The following RBP2 variants were observed in gnomAD, a reference collection of about 807,000 sequenced individuals.
The protein encoded by RBP2 is retinol-binding protein 2.
In RBP2, 17 loss-of-function variants were observed where a neutral mutation model predicts 17.0. The observed-to-expected ratio is 1.00, with a 90% CI of 0.68 to 1.50. The LOEUF is 1.50. Among genes scored for constraint, RBP2 ranks in the 40% most tolerant of loss-of-function variants. The pLI, the probability that RBP2 is intolerant of heterozygous loss-of-function variation, is 0.00. For synonymous variants in RBP2, 48 were observed against 57.1 expected (o/e 0.84, Z 0.72); for missense variants, 158 against 168.2 (o/e 0.94, Z 0.33).
chr3:139,461,117 A>G (rs1456619662), intron 2 of RBP2, among the ~76,000 whole-genome samples: 1 of 152,168 alleles, frequency 6.6e-6, no homozygotes, highest in African/African-American at 2.4e-5. Flanking sequence ...AAAATCAAAA[A>G]CAGGCACACT....
At chr3:139,468,423 C>A (rs1000188982) in intron 1 of RBP2, among the ~76,000 whole-genome samples, 1 of 152,224 alleles carries the variant, frequency 6.6e-6, no homozygotes, top group African/African-American at 2.4e-5. Flanking sequence ...CCTAGTCAAT[C>A]TTTCTGACCA....
chr3:139,458,258 C>A (rs924536735), intron 2 of RBP2, among the ~76,000 whole-genome samples: 5 of 152,008 alleles, frequency 3.3e-5, no homozygotes, highest in Non-Finnish European at 7.4e-5. Flanking sequence ...ACATGCTCAA[C>A]CCTCCTTAGC....
intron 1 of RBP2, among the ~76,000 whole-genome samples, chr3:139,465,866 G>A (rs756033231): frequency 4.6e-5 from 7 of 152,180 alleles, no homozygotes; most frequent in African/African-American, 9.7e-5. Flanking sequence ...TGTGGCTTAT[G>A]GAATTGTACG....
intron 1 of RBP2, among the ~76,000 whole-genome samples, chr3:139,471,231 A>G (rs551083891): frequency 6.6e-6 from 1 of 152,354 alleles, no homozygotes; most frequent in East Asian, 1.9e-4. Context: ...CACTAAAATG[A>G]AGAAATGCAT....
At chr3:139,456,795 A>G (rs1000745446) in intron 2 of RBP2, among the ~76,000 whole-genome samples, 4 of 152,156 alleles carry the variant, frequency 2.6e-5, no homozygotes, top group African/African-American at 9.7e-5. Flanking sequence ...ATAAAATTCT[A>G]CATGTTTTCT....
At chr3:139,471,890 G>T (rs1357684520) in intron 1 of RBP2, among the ~76,000 whole-genome samples, 1 of 152,192 alleles carries the variant, frequency 6.6e-6, no homozygotes, top group African/African-American at 2.4e-5. Flanking sequence ...AGTGAGCATT[G>T]ATAGCATCTC....
At chr3:139,460,081 C>T (rs1933137020) in intron 2 of RBP2, among the ~76,000 whole-genome samples, 1 of 152,136 alleles carries the variant, frequency 6.6e-6, no homozygotes. Context: ...CACAAAGGAT[C>T]AAGTCAGAGA....
At chr3:139,458,775 T>G (rs951174748) in intron 2 of RBP2, among the ~76,000 whole-genome samples, 1 of 152,218 alleles carries the variant, frequency 6.6e-6, no homozygotes, top group African/African-American at 2.4e-5. Flanking sequence ...GTAGCATGAG[T>G]CTGTCCTTCA....
intron 1 of RBP2, among the ~76,000 whole-genome samples, chr3:139,462,906 T>C (rs1933241029): frequency 6.6e-6 from 1 of 152,002 alleles, no homozygotes; most frequent in Admixed American, 6.6e-5. Context: ...TGATTTTGGC[T>C]CACTGCAACC....
chr3:139,456,670 G>T (rs1430285020), intron 2 of RBP2, among the ~76,000 whole-genome samples: 1 of 152,208 alleles, frequency 6.6e-6, no homozygotes, highest in Non-Finnish European at 1.5e-5. Flanking sequence ...ACTAGTGATT[G>T]TCCCTGAGGA....
intron 1 of RBP2, among the ~76,000 whole-genome samples, chr3:139,470,369 T>A (rs1933522286): frequency 1.3e-5 from 2 of 152,062 alleles, no homozygotes; most frequent in South Asian, 4.1e-4. Flanking sequence ...TCCTCTTTTC[T>A]CCAGCTCCAC....
chr3:139,453,625 T>A (rs1469116714), intron 3 of RBP2, among the ~76,000 whole-genome samples: 1 of 152,064 alleles, frequency 6.6e-6, no homozygotes, highest in African/African-American at 2.4e-5. Flanking sequence ...ACCCGCAGGG[T>A]GTGAGGTGCA....
rs558293139 is a variant in RBP2, at chr3:139,471,399, C to T, written c.73+4988G>A. On this transcript the variant is annotated intron_variant, in intron 1 of 3. Coordinates refer to ENST00000232217, the MANE Select transcript of RBP2 (RefSeq NM_004164.3). ...CTGGCAGAGACCACTTAGATGGGAG[C>T]TGTCTGACTTCAGCCTCTCAGGGCT... is the stretch of plus-strand genomic sequence containing the variant. Among the ~76,000 whole-genome samples, 5 of 152,312 alleles carry T rather than the reference C, an allele frequency of 3.3e-5. No homozygotes were observed. The South Asian group carries it at 8.3e-4, about 25-fold the overall frequency.
intron 1 of RBP2, among the ~76,000 whole-genome samples, chr3:139,467,316 T>C (rs1933399717): frequency 6.6e-6 from 1 of 152,140 alleles, no homozygotes; most frequent in Non-Finnish European, 1.5e-5. Context: ...AGACCCTGTT[T>C]CTAAATAAAT....
Position 139,454,767 on chromosome 3 carries a change from C to T in RBP2, c.316G>A (p.Gly106Ser), listed in dbSNP as rs148068645. 18 of 1,614,060 alleles carry T rather than the reference C, an allele frequency of 1.1e-5. No homozygotes were observed. Among genetic ancestry groups the T allele is most frequent in the African/African-American group, 9.3e-5 (7 of 74,922 alleles). Residue 106 changes from glycine to serine, a missense_variant, in exon 3 of 4, where the codon GGC becomes AGC. Transcript: ENST00000232217. ...CVQKGEKENRGWKQWIEGDKL... is the reference protein window; with the variant it reads ...CVQKGEKENRSWKQWIEGDKL... ...TCCCCCTCAATCCACTGCTTCCAGC[C>T]GCGGTTCTCCTTCTCCCCCTTTTGC...
intron 2 of RBP2, among the ~76,000 whole-genome samples, chr3:139,456,980 G>C (rs6439861): frequency 0.63 from 95,185 of 152,076 alleles, 32,520 homozygotes; most frequent in East Asian, 0.96. Flanking sequence ...TTCCTCTAAA[G>C]AGATGAGAAA....
At chr3:139,459,832 GA>G (rs1386759231) in intron 2 of RBP2, among the ~76,000 whole-genome samples, 33 of 143,128 alleles carry the variant, frequency 2.3e-4, no homozygotes, top group African/African-American at 9.3e-4. Flanking sequence ...GGGTGTGTGT[GA>G]GTGTGTGTGT....
At chr3:139,472,550 T>G (rs59628512) in intron 1 of RBP2, among the ~76,000 whole-genome samples, 10,164 of 152,226 alleles carry the variant, frequency 0.067, 446 homozygotes, top group Middle Eastern at 0.15. Context: ...CCAGGTCACA[T>G]GGGGAGACCA....
chr3:139,459,797 C>G (rs1405545849), intron 2 of RBP2, among the ~76,000 whole-genome samples: 1 of 150,796 alleles, frequency 6.6e-6, no homozygotes, highest in Non-Finnish European at 1.5e-5. Flanking sequence ...GCAAACTGTC[C>G]TGGGTACTTC....
Sources: gnomAD v4.1 joint callset for allele counts (sites outside exome capture counted in the v4.1 genomes callset) on GRCh38, gnomAD v4.1.1 for gene constraint, MANE v1.5 for transcripts, NCBI Gene and HGNC (gene_info 2026-07-23, HGNC 2026-07-21) for gene names.